CDH18: variants seen among roughly 807,000 people sequenced by gnomAD.
CDH18 encodes cadherin-18.
Under a neutral mutation model 67.9 loss-of-function variants are expected in CDH18, and 31 were observed. The observed-to-expected ratio is 0.46, with a 90% CI of 0.34 to 0.62. The LOEUF is 0.62. Ranked by LOEUF, CDH18 falls within the 20% of genes least tolerant of loss-of-function variation. The pLI is 0.01. For missense variants in CDH18, 890 were observed against 975.5 expected (o/e 0.91, Z 1.17); for synonymous variants, 362 against 347.2 (o/e 1.04, Z -0.48).
At chr5:20,442,625 G>T (rs1042020643) in intron 1 of CDH18, among the ~76,000 whole-genome samples, 1 of 151,842 alleles carries the variant, frequency 6.6e-6, no homozygotes, top group African/African-American at 2.4e-5. Context: ...ATTTAAAAAG[G>T]AGGAAAGCAA....
At chr5:19,842,128 C>T (rs1782386933) in intron 2 of CDH18, among the ~76,000 whole-genome samples, 1 of 152,198 alleles carries the variant, frequency 6.6e-6, no homozygotes, top group African/African-American at 2.4e-5. Flanking sequence ...ATGTGGTAGA[C>T]ATTTTCCATT....
At chr5:20,115,658 T>G (rs947578398) in intron 2 of CDH18, among the ~76,000 whole-genome samples, 9 of 152,070 alleles carry the variant, frequency 5.9e-5, no homozygotes, top group Non-Finnish European at 1.3e-4. Flanking sequence ...AACACAAATA[T>G]TCGGTCTACA....
intron 2 of CDH18, among the ~76,000 whole-genome samples, chr5:19,893,686 T>C (rs1789006904): frequency 6.6e-6 from 1 of 152,156 alleles, no homozygotes; most frequent in South Asian, 2.1e-4. Flanking sequence ...GTCTTGCTTA[T>C]TTGTACTGAG....
intron 3 of CDH18, among the ~76,000 whole-genome samples, chr5:19,762,561 C>G (rs1426465509): frequency 6.6e-6 from 1 of 151,968 alleles, no homozygotes; most frequent in Non-Finnish European, 1.5e-5. Context: ...ACCACTCACA[C>G]CAGTTAGAAT....
chr5:20,383,852 C>T (rs1202921032), intron 1 of CDH18, among the ~76,000 whole-genome samples: 3 of 151,802 alleles, frequency 2.0e-5, no homozygotes, highest in African/African-American at 7.3e-5. Flanking sequence ...CTTTGCATGA[C>T]TAGAGAAAGG....
intron 2 of CDH18, among the ~76,000 whole-genome samples, chr5:19,876,393 C>G (rs1787001794): frequency 6.6e-6 from 1 of 152,052 alleles, no homozygotes; most frequent in South Asian, 2.1e-4. Context: ...CAAGAAATAT[C>G]AACTATAAGG....
At chr5:19,786,643 A>G (rs1461527239) in intron 3 of CDH18, among the ~76,000 whole-genome samples, 1 of 152,090 alleles carries the variant, frequency 6.6e-6, no homozygotes, top group East Asian at 1.9e-4. Flanking sequence ...TGTTCCTGAT[A>G]ATATATATTT....
At chr5:20,271,816 G>A (rs1400052585) in intron 1 of CDH18, among the ~76,000 whole-genome samples, 2 of 151,926 alleles carry the variant, frequency 1.3e-5, no homozygotes, top group Admixed American at 1.3e-4. Flanking sequence ...GTAGTATTTT[G>A]TTATGGCGGT....
intron 6 of CDH18, among the ~76,000 whole-genome samples, chr5:19,598,388 C>A (rs751153014): frequency 6.6e-6 from 1 of 151,978 alleles, no homozygotes; most frequent in Admixed American, 6.6e-5. Flanking sequence ...TCCAACTTTA[C>A]GCTGGGCATT....
chr5:20,310,115 G>T (rs185365294), intron 1 of CDH18, among the ~76,000 whole-genome samples: 23 of 152,214 alleles, frequency 1.5e-4, no homozygotes, highest in Admixed American at 1.1e-3. Context: ...ATTGAGGAAG[G>T]TGTCTGTTTC....
chr5:20,301,171 G>A (rs1299659094), intron 1 of CDH18, among the ~76,000 whole-genome samples: 2 of 140,490 alleles, frequency 1.4e-5, no homozygotes, highest in East Asian at 5.0e-4. Context: ...TATAGACAGT[G>A]TTTTTTTGTT....
chr5:19,719,809 A>G (rs1329160199), intron 5 of CDH18, among the ~76,000 whole-genome samples: 1 of 151,766 alleles, frequency 6.6e-6, no homozygotes, highest in African/African-American at 2.4e-5. Context: ...TCATTTCTAT[A>G]TCTATATATG....
At chr5:19,860,702 C>T (rs1266862963) in intron 2 of CDH18, among the ~76,000 whole-genome samples, 1 of 151,624 alleles carries the variant, frequency 6.6e-6, no homozygotes, top group Non-Finnish European at 1.5e-5. Flanking sequence ...CTTAAACATC[C>T]CACTATAATT....
chr5:20,473,067 T>C (rs1752197853), intron 1 of CDH18, among the ~76,000 whole-genome samples: 1 of 152,156 alleles, frequency 6.6e-6, no homozygotes, highest in African/African-American at 2.4e-5. Flanking sequence ...CAGTAAGGAA[T>C]ATAAACATGA....
intron 2 of CDH18, among the ~76,000 whole-genome samples, chr5:20,115,054 A>C (rs557814902): frequency 1.3e-5 from 2 of 152,186 alleles, no homozygotes; most frequent in African/African-American, 4.8e-5. Context: ...GCAGTAGCTT[A>C]AGCAACAAAA....
intron 1 of CDH18, among the ~76,000 whole-genome samples, chr5:20,328,475 G>T (rs1271372286): frequency 8.6e-4 from 1 of 1,168 alleles, no homozygotes; most frequent in African/African-American, 1.7e-3. Context: ...GAAGCCATTT[G>T]TGTGTGTGTG....
intron 2 of CDH18, among the ~76,000 whole-genome samples, chr5:20,122,893 A>G (rs1368544860): frequency 1.3e-5 from 2 of 148,242 alleles, no homozygotes; most frequent in African/African-American, 4.9e-5. Context: ...TAAGGTATTT[A>G]GTGGAAATTA....
chr5:20,191,158 T>G (rs557748815), intron 2 of CDH18, among the ~76,000 whole-genome samples: 3 of 152,256 alleles, frequency 2.0e-5, no homozygotes, highest in African/African-American at 7.2e-5. Context: ...GGTAAAAAGC[T>G]GAAGAACAAA....
intron 8 of CDH18, among the ~76,000 whole-genome samples, chr5:19,550,222 G>T (rs1056861919): frequency 6.6e-6 from 1 of 152,040 alleles, no homozygotes; most frequent in African/African-American, 2.4e-5. Context: ...AAACATGGCT[G>T]CCCTTATTCA....
Sources: allele counts gnomAD v4.1 joint callset (sites outside exome capture counted in the v4.1 genomes callset), GRCh38; gene constraint gnomAD v4.1.1; transcripts MANE v1.5; gene names NCBI Gene and HGNC (gene_info 2026-07-23, HGNC 2026-07-21).